Variants in DCAF6 observed in about 807,000 individuals in gnomAD.
DCAF6 encodes the protein DDB1- and CUL4-associated factor 6.
Under a neutral mutation model 125.1 loss-of-function variants are expected in DCAF6, and 54 were observed. The observed-to-expected ratio is 0.43, with a 90% confidence interval of 0.35 to 0.54. The LOEUF is 0.54. Ranked by LOEUF, DCAF6 falls within the 20% of genes least tolerant of loss-of-function variation. The probability of loss-of-function intolerance (pLI) is 0.01; values close to 1 mark genes in which losing one functional copy is unlikely to be tolerated. For synonymous variants in DCAF6, 371 were observed against 390.4 expected (o/e 0.95, Z 0.58); for missense variants, 934 against 1,161.7 (o/e 0.80, Z 2.85).
chr1:167,958,890 C>T (rs1675165968), intron 2 of DCAF6, among the ~76,000 whole-genome samples: 1 of 152,140 alleles, frequency 6.6e-6, no homozygotes, highest in Admixed American at 6.6e-5. Context: ...CATCATAATC[C>T]ATCCAAAGTC....
chr1:167,875,252 T>C, the DCAF6 span: 4 of 1,490,610 alleles, frequency 2.7e-6, no homozygotes, highest in Non-Finnish European at 2.8e-6. Context: ...GCAAGAGTGA[T>C]TAGTTCTTAG....
chr1:167,947,344 GT>G (rs144892077), intron 1 of DCAF6, among the ~76,000 whole-genome samples: 8 of 140,366 alleles, frequency 5.7e-5, no homozygotes, highest in African/African-American at 1.0e-4. Flanking sequence ...CCTTTTGTGG[GT>G]TTTTTTTTTC....
the DCAF6 span, among the ~76,000 whole-genome samples, chr1:167,894,813 C>A: frequency 6.6e-6 from 1 of 152,062 alleles, no homozygotes; most frequent in Admixed American, 6.6e-5. Context: ...GATCCCAGAG[C>A]TTGCAGCTAG....
chr1:168,061,134 C>T (rs973440656), intron 17 of DCAF6, among the ~76,000 whole-genome samples: 1 of 152,096 alleles, frequency 6.6e-6, no homozygotes, highest in Non-Finnish European at 1.5e-5. Flanking sequence ...AATATTTGAC[C>T]TCTCTATCCT....
At chr1:167,905,572 C>A in the DCAF6 span, among the ~76,000 whole-genome samples, 1 of 151,054 alleles carries the variant, frequency 6.6e-6, no homozygotes. Context: ...CCTCTCTCTA[C>A]CTTGGTCTTT....
the DCAF6 span, chr1:167,918,286 G>T: frequency 1.3e-6 from 2 of 1,511,688 alleles, no homozygotes; most frequent in Non-Finnish European, 1.8e-6. Flanking sequence ...CAATGGTTTT[G>T]TCCACATCTA....
At chr1:167,951,391 A>G (rs982703318) in intron 1 of DCAF6, among the ~76,000 whole-genome samples, 4 of 152,152 alleles carry the variant, frequency 2.6e-5, no homozygotes, top group Admixed American at 2.0e-4. Context: ...CCTGGCCCAC[A>G]TGATGAAATC....
chr1:167,926,606 C>T, the DCAF6 span, among the ~76,000 whole-genome samples: 1 of 152,284 alleles, frequency 6.6e-6, no homozygotes, highest in East Asian at 1.9e-4. Context: ...ACTGTGGTGC[C>T]CCAACTGCTG....
chr1:167,993,494 A>C, intron 7 of DCAF6, 54 bp downstream of exon 7: 1 of 1,489,038 alleles, frequency 6.7e-7, no homozygotes. Context: ...TCACGCCTGT[A>C]ATCCCAGCGC....
chr1:167,869,833 C>G, the DCAF6 span, among the ~76,000 whole-genome samples: 713 of 152,112 alleles, frequency 4.7e-3, 8 homozygotes, highest in African/African-American at 0.016. Flanking sequence ...CCGATTCTCC[C>G]AGCTGATTAA....
At chr1:168,007,935 C>T (rs2103105297) in intron 10 of DCAF6, among the ~76,000 whole-genome samples, 1 of 135,600 alleles carries the variant, frequency 7.4e-6, no homozygotes, top group South Asian at 2.6e-4. Flanking sequence ...GCTATTTTGA[C>T]AGTATGTTTT....
chr1:167,995,345 A>G (rs1306882673), intron 7 of DCAF6, among the ~76,000 whole-genome samples: 2 of 152,136 alleles, frequency 1.3e-5, no homozygotes, highest in Non-Finnish European at 2.9e-5. Context: ...TGTTTGTTGC[A>G]TTAACTAAAT....
chr1:168,049,961 AT>A (rs543375182), intron 16 of DCAF6, among the ~76,000 whole-genome samples: 4,686 of 139,532 alleles, frequency 0.034, 196 homozygotes, highest in African/African-American at 0.1. Flanking sequence ...AGGCTGTATA[AT>A]TTTTTTTTTT....
chr1:167,974,061 A>G (rs916360167), intron 3 of DCAF6, among the ~76,000 whole-genome samples: 2 of 152,034 alleles, frequency 1.3e-5, no homozygotes, highest in Non-Finnish European at 2.9e-5. Context: ...AAGCTCTTGA[A>G]TTTTTGCCAG....
intron 4 of DCAF6, among the ~76,000 whole-genome samples, chr1:167,976,534 A>T (rs185106843): frequency 9.9e-5 from 15 of 152,256 alleles, no homozygotes; most frequent in Admixed American, 7.2e-4. Context: ...CTTTTTGTCC[A>T]TTGTGTTTCT....
chr1:167,963,170 G>A lies in DCAF6; in HGVS notation c.160-3459G>A, dbSNP rs1030919276. On this transcript the variant is annotated intron_variant, in intron 2 of 21. Coordinates refer to ENST00000367840, the MANE Select transcript of DCAF6 (RefSeq NM_001198956.2). ...TCCCAGCTACTCGGGAGGCTGAGGC[G>A]GGAGAATCGCTTGAACTCAGGAGGC... Among the ~76,000 whole-genome samples, 25 of 151,810 alleles carry A rather than the reference G, an allele frequency of 1.6e-4. No homozygotes were observed. In the East Asian group the frequency reaches 2.3e-3, roughly 14 times the overall value.
chr1:167,935,988 C>G, upstream of DCAF6: 1 of 664,088 alleles, frequency 1.5e-6, no homozygotes, highest in Non-Finnish European at 2.6e-6. Context: ...GCTTTCCCTG[C>G]CCGCTGTGAA....
chr1:168,001,986 A>G (rs1682707445), intron 7 of DCAF6, among the ~76,000 whole-genome samples: 1 of 152,176 alleles, frequency 6.6e-6, no homozygotes, highest in Non-Finnish European at 1.5e-5. Context: ...AGCCTGAGGC[A>G]AGTCATAAAG....
chr1:167,888,648 G>A, the DCAF6 span, among the ~76,000 whole-genome samples: 6 of 152,098 alleles, frequency 3.9e-5, no homozygotes, highest in East Asian at 7.7e-4. Flanking sequence ...AGGCCGAGGC[G>A]GGCGGATCAC....
Sources: allele counts gnomAD v4.1 joint callset (sites outside exome capture counted in the v4.1 genomes callset), GRCh38; gene constraint gnomAD v4.1.1; transcripts MANE v1.5; gene names NCBI Gene and HGNC (gene_info 2026-07-23, HGNC 2026-07-21).